NPC1: variants seen among roughly 807,000 people sequenced by gnomAD.
NPC1 encodes NPC intracellular cholesterol transporter 1.
In NPC1, 85 loss-of-function variants were observed where a neutral mutation model predicts 140.4. That is an observed-to-expected ratio of 0.61 (90% CI 0.51 to 0.72). NPC1 has a LOEUF of 0.72. NPC1 is among the 30% of genes least tolerant of loss of function. The pLI, the probability that NPC1 is intolerant of heterozygous loss-of-function variation, is 0.00. For synonymous variants in NPC1, 656 were observed against 624.8 expected (o/e 1.05, Z -0.74); for missense variants, 1,504 against 1,623.8 (o/e 0.93, Z 1.27).
At position 23,568,723 on chromosome 18, in the gene NPC1, A is replaced by G. The variant is rs56266324; in HGVS notation, c.463+100T>C. 4.4e-3 allele frequency: 4,185 copies of G among 961,922 alleles called. 30 individuals are homozygous for G. Among genetic ancestry groups the G allele is most frequent in the Non-Finnish European group, 4.4e-3 (2,616 of 597,078 alleles). The allele number at this position is 961,922 out of a possible 1,614,324, so 59.6% of individuals were successfully genotyped here. ...TTATTTCCTGGCCAATGGAACTGAA[A>G]ATTGTGATTTTCCAGAGTTGACAGG... On this transcript the variant is annotated intron_variant, in intron 4 of 24. Coordinates refer to ENST00000269228, the MANE Select transcript of NPC1 (RefSeq NM_000271.5).
intron 16 of NPC1, 76 bp from the exon 17 acceptor site, chr18:23,540,613 C>A: frequency 9.0e-7 from 1 of 1,106,172 alleles, no homozygotes; most frequent in Non-Finnish European, 1.4e-6. Flanking sequence ...ATCTTAAGCA[C>A]ACACAAAAAG....
chr18:23,580,619 T>G (rs2059345383), intron 1 of NPC1, among the ~76,000 whole-genome samples: 1 of 152,134 alleles, frequency 6.6e-6, no homozygotes, highest in Admixed American at 6.6e-5. Context: ...CCTGGATGGG[T>G]AAAGCTAATG....
chr18:23,570,947 G>T (rs1339898163), intron 3 of NPC1, among the ~76,000 whole-genome samples: 1 of 152,168 alleles, frequency 6.6e-6, no homozygotes, highest in East Asian at 1.9e-4. Context: ...AGAATGATGT[G>T]CAAAGCAAAG....
intron 1 of NPC1, chr18:23,524,159 G>A (rs2058226104): frequency 5.0e-6 from 8 of 1,613,934 alleles, no homozygotes; most frequent in Non-Finnish European, 6.8e-6. Flanking sequence ...CCAGTCTCCT[G>A]TTCCATGTAA....
downstream of NPC1, among the ~76,000 whole-genome samples, chr18:23,525,789 G>A (rs2058282363): frequency 6.6e-6 from 1 of 152,080 alleles, no homozygotes; most frequent in Non-Finnish European, 1.5e-5. Flanking sequence ...ACCTCGCCAG[G>A]CTGGTTATTA....
chr18:23,524,009 G>T, intron 1 of NPC1: 1 of 1,116,270 alleles, frequency 9.0e-7, no homozygotes, highest in Non-Finnish European at 1.3e-6. Flanking sequence ...TTTCTTCCTT[G>T]ACTACAATTG....
At position 23,513,690 on chromosome 18, in the gene NPC1, C is replaced by T. The variant is rs1033887517; in HGVS notation, c.432-7048G>A. 3.3e-5 allele frequency among the ~76,000 whole-genome samples: 5 copies of T among 152,306 alleles called. No homozygotes were observed. The East Asian group carries it at 7.7e-4, about 23-fold the overall frequency. On this transcript the variant is annotated intron_variant, in intron 3 of 3. Transcript: ENST00000591107. ...TACAAGGGTCCCAGTTTCTCCATAT[C>T]CTCACCAACACTTGCTGTTTTGTTT... is the stretch of plus-strand genomic sequence containing the variant.
chr18:23,572,243 C>T (rs916844210), intron 2 of NPC1, 63 bp from the exon 3 acceptor site: 3 of 1,079,642 alleles, frequency 2.8e-6, no homozygotes, highest in Admixed American at 1.7e-5. Context: ...CAACATTCCT[C>T]AGTGAACTAA....
At chr18:23,538,879 T>G in intron 19 of NPC1, 4 of 599,404 alleles carry the variant, frequency 6.7e-6, no homozygotes, top group South Asian at 5.8e-5. Context: ...ATTTTCATCT[T>G]AGGCATACTA....
intron 9 of NPC1, among the ~76,000 whole-genome samples, 179 bp downstream of exon 9, chr18:23,554,579 C>T (rs111347355): frequency 8.8e-4 from 133 of 150,748 alleles, no homozygotes; most frequent in African/African-American, 2.9e-3. Context: ...GCACTCCAGC[C>T]TGGGCGACAG....
chr18:23,554,920 A>G lies in NPC1; in HGVS notation c.1391T>C (p.Leu464Pro). The G allele has an allele frequency of 1.2e-6, 2 of 1,614,166 alleles. No homozygotes were observed. Among genetic ancestry groups the G allele is most frequent in the Non-Finnish European group, 1.7e-6 (2 of 1,180,008 alleles). Residue 464 changes from leucine to proline, a missense_variant, in exon 9 of 25, where the codon CTT becomes CCT. Physicochemically the swap from Leu to Pro is moderately conservative, Grantham distance 98. Transcript: ENST00000269228. ...AAGAGGGGCCAAGCAGATGTCTTGA[A>G]GTGTCACAGTCTCATTGTCATAAGA... Reference protein sequence around the residue: ...TASYDNETVTLQDICLAPLSP... With the variant: ...TASYDNETVTPQDICLAPLSP...
chr18:23,533,331 C>A, intron 24 of NPC1, 24 bp downstream of exon 24: 1 of 1,609,648 alleles, frequency 6.2e-7, no homozygotes, highest in Admixed American at 1.7e-5. Flanking sequence ...TATTGTGCCA[C>A]CCTTTTAAGA....
intron 4 of NPC1, among the ~76,000 whole-genome samples, chr18:23,564,231 G>A (rs1215286178): frequency 2.0e-5 from 3 of 152,044 alleles, no homozygotes; most frequent in South Asian, 2.1e-4. Flanking sequence ...TGATCCACCC[G>A]CCTTGGCCCC....
chr18:23,530,412 T>C (rs1053412773), downstream of NPC1: 2 of 1,614,120 alleles, frequency 1.2e-6, no homozygotes, highest in Non-Finnish European at 8.5e-7. Context: ...AATGATGAAA[T>C]AGTAGAAGTT....
rs991309743 is a variant in NPC1, at chr18:23,560,494, T to C, written c.632-14A>G. On this transcript the variant is annotated splice_polypyrimidine_tract_variant and intron_variant, in intron 5 of 24. Transcript: ENST00000269228. ...GGACTGGAAAATCTACAGAAAGGAA[T>C]TGTGTTGAGTACAAATCTCAATTAA... 1 of 1,613,852 alleles carries C rather than the reference T, an allele frequency of 6.2e-7. No individual in the cohort carries two copies. Among genetic ancestry groups the C allele is most frequent in the East Asian group, 2.2e-5 (1 of 44,892 alleles).
chr18:23,527,896 G>A (rs373377494), downstream of NPC1: 3 of 1,613,030 alleles, frequency 1.9e-6, no homozygotes, highest in African/African-American at 1.3e-5. Flanking sequence ...GCAGAGTTAT[G>A]CGATGGTGAG....
intron 9 of NPC1, among the ~76,000 whole-genome samples, chr18:23,554,228 C>CACCCCCCA: frequency 6.6e-6 from 1 of 152,142 alleles, no homozygotes; most frequent in African/African-American, 2.4e-5. Context: ...CTCTGTCCAG[C>CACCCCCCA]CTTATTTTTC....
At chr18:23,545,581 G>A (rs553509803) in intron 11 of NPC1, among the ~76,000 whole-genome samples, 1 of 152,280 alleles carries the variant, frequency 6.6e-6, no homozygotes, top group South Asian at 2.1e-4. Flanking sequence ...CCTGCATTAG[G>A]ATCCTTTGTT....
chr18:23,542,344 G>T (rs577476228), intron 14 of NPC1, among the ~76,000 whole-genome samples: 24 of 150,482 alleles, frequency 1.6e-4, no homozygotes, highest in Non-Finnish European at 3.1e-4. Context: ...TGGAGATGAA[G>T]AATAACAAGC....
Sources: gnomAD v4.1 joint callset for allele counts (sites outside exome capture counted in the v4.1 genomes callset) on GRCh38, gnomAD v4.1.1 for gene constraint, MANE v1.5 for transcripts, NCBI Gene and HGNC (gene_info 2026-07-23, HGNC 2026-07-21) for gene names.